The following CWC27 variants were observed in gnomAD, a reference collection of about 807,000 sequenced individuals.
The protein encoded by CWC27 is spliceosome-associated protein CWC27 homolog.
Under a neutral mutation model 63.6 loss-of-function variants are expected in CWC27, and 47 were observed. The ratio of observed to expected loss-of-function variants is 0.74; its 90% confidence interval spans 0.58 to 0.94. CWC27 has a LOEUF of 0.94. Among genes scored for constraint, CWC27 ranks in the 40% least tolerant of loss-of-function variants. The pLI, the probability that CWC27 is intolerant of heterozygous loss-of-function variation, is 0.00. For synonymous variants in CWC27, 175 were observed against 179.8 expected (o/e 0.97, Z 0.22); for missense variants, 495 against 554.3 (o/e 0.89, Z 1.07).
intron 13 of CWC27, among the ~76,000 whole-genome samples, chr5:64,999,819 G>A (rs954995485): frequency 2.0e-5 from 3 of 151,984 alleles, no homozygotes; most frequent in Non-Finnish European, 4.4e-5. Context: ...AAGTCCTTTC[G>A]ATATAATGAT....
chr5:64,872,938 A>G (rs1353629433), intron 10 of CWC27, among the ~76,000 whole-genome samples: 1 of 152,130 alleles, frequency 6.6e-6, no homozygotes, highest in Non-Finnish European at 1.5e-5. Context: ...GTATGCCTAT[A>G]TTTATTTAGC....
chr5:64,927,377 CCTTA>C (rs1459363781), intron 11 of CWC27, among the ~76,000 whole-genome samples: 1 of 151,886 alleles, frequency 6.6e-6, no homozygotes, highest in Non-Finnish European at 1.5e-5. Context: ...ATTTTCCATG[CCTTA>C]CTTCTCCAGT....
At chr5:64,819,245 G>A (rs1403083291) in intron 10 of CWC27, among the ~76,000 whole-genome samples, 4 of 152,142 alleles carry the variant, frequency 2.6e-5, no homozygotes, top group South Asian at 4.1e-4. Context: ...TTTTCAGTGG[G>A]ACAAAAGGGA....
At position 64,858,463 on chromosome 5, in the gene CWC27, A is replaced by AAATAAT. The variant is rs199882585; in HGVS notation, c.939-26951_939-26946dup. ...GGTGACAGAGTGAGACTCCATCTCA[A>AAATAAT]AATAATAATAATAATAATAATAATA... is the stretch of plus-strand genomic sequence containing the variant. On this transcript the variant is annotated intron_variant, in intron 10 of 13. Transcript: ENST00000381070. 4.8e-3 allele frequency among the ~76,000 whole-genome samples: 706 copies of AAATAAT among 146,604 alleles called. 5 individuals carry two copies. The highest frequency in any genetic ancestry group is 8.5e-3 in the African/African-American group (337 of 39,784).
At chr5:64,787,020 G>T (rs370758631) in intron 6 of CWC27, among the ~76,000 whole-genome samples, 1 of 152,162 alleles carries the variant, frequency 6.6e-6, no homozygotes, top group Non-Finnish European at 1.5e-5. Context: ...GGGAGAGAGC[G>T]AGTGGGAAGG....
chr5:64,864,526 A>C (rs7728512), intron 10 of CWC27, among the ~76,000 whole-genome samples: 2,540 of 152,212 alleles, frequency 0.017, 68 homozygotes, highest in African/African-American at 0.059. Flanking sequence ...AGAGCCTCTG[A>C]ATTTATATTT....
chr5:64,934,272 A>G lies in CWC27; in HGVS notation c.1043-37431A>G, dbSNP rs940052836. On this transcript the variant is annotated intron_variant, in intron 11 of 13. Coordinates refer to ENST00000381070, the MANE Select transcript of CWC27 (RefSeq NM_005869.4). ...CCCCTAGAACCCCACTTCCCAACAGACCCTGGTGTGTGATGTTCCCTTCCC... is the reference window on the plus strand; with the variant it reads ...CCCCTAGAACCCCACTTCCCAACAGGCCCTGGTGTGTGATGTTCCCTTCCC... 2.6e-5 allele frequency among the ~76,000 whole-genome samples: 4 copies of G among 151,994 alleles called. No homozygotes were observed. In the East Asian group the frequency reaches 7.7e-4, roughly 29 times the overall value.
At chr5:64,948,619 A>G (rs1748641504) in intron 11 of CWC27, among the ~76,000 whole-genome samples, 2 of 152,078 alleles carry the variant, frequency 1.3e-5, no homozygotes, top group African/African-American at 4.8e-5. Flanking sequence ...TTGGTAGAAC[A>G]GGACTCATTC....
chr5:64,977,689 C>T (rs546227732), intron 13 of CWC27, among the ~76,000 whole-genome samples: 2 of 152,140 alleles, frequency 1.3e-5, no homozygotes, highest in Non-Finnish European at 2.9e-5. Flanking sequence ...TCTACAGGAT[C>T]CTAGCAACTC....
Position 64,937,445 on chromosome 5 carries a change from C to T in CWC27, c.1043-34258C>T, listed in dbSNP as rs573123455. Among the ~76,000 whole-genome samples, 20 of 152,294 alleles carry T rather than the reference C, an allele frequency of 1.3e-4. No individual in the cohort carries two copies. The South Asian group carries it at 4.1e-3, about 32-fold the overall frequency. On this transcript the variant is annotated intron_variant, in intron 11 of 13. Transcript: ENST00000381070. Reference sequence around the variant, plus strand: ...TTAATCTGGAGTTCTAATTTGATTGCACTGTGCTCTGAGAGACTGTTATGA... The same window carrying T: ...TTAATCTGGAGTTCTAATTTGATTGTACTGTGCTCTGAGAGACTGTTATGA...
chr5:64,943,257 A>G (rs1676457354), intron 11 of CWC27, among the ~76,000 whole-genome samples: 1 of 152,248 alleles, frequency 6.6e-6, no homozygotes, highest in Non-Finnish European at 1.5e-5. Context: ...ATAAGGATTT[A>G]TAACATATAT....
At chr5:64,874,733 T>G (rs532871918) in intron 10 of CWC27, among the ~76,000 whole-genome samples, 1 of 152,142 alleles carries the variant, frequency 6.6e-6, no homozygotes, top group South Asian at 2.1e-4. Flanking sequence ...CCCTCCTCAT[T>G]TTCCAAACCC....
At chr5:64,907,091 A>C (rs6887888) in intron 11 of CWC27, among the ~76,000 whole-genome samples, 14,476 of 151,988 alleles carry the variant, frequency 0.095, 2,107 homozygotes, top group African/African-American at 0.31. Context: ...AGTTTGAAGT[A>C]AGGTAGCATG....
rs545751288 is a variant in CWC27, at chr5:64,982,367, G to A, written c.1256+5129G>A. ...GAGACAGAGTCTCACTCTGTTGCCC[G>A]GGCTGGAGTGCACTGGTGCAGTCAA... is the stretch of plus-strand genomic sequence containing the variant. On this transcript the variant is annotated intron_variant, in intron 13 of 13. Transcript: ENST00000381070. 2.0e-5 allele frequency among the ~76,000 whole-genome samples: 3 copies of A among 151,954 alleles called. No individual in the cohort carries two copies. In the East Asian group the frequency reaches 5.8e-4, roughly 29 times the overall value.
chr5:64,972,239 T>C (rs1749140146), intron 12 of CWC27, among the ~76,000 whole-genome samples: 1 of 152,172 alleles, frequency 6.6e-6, no homozygotes, highest in Admixed American at 6.5e-5. Context: ...AATAAGTCAT[T>C]TGGTCTGCTA....
chr5:64,840,223 A>G (rs1440665620), intron 10 of CWC27, among the ~76,000 whole-genome samples: 1 of 151,680 alleles, frequency 6.6e-6, no homozygotes, highest in African/African-American at 2.4e-5. Context: ...GGAGCCAGAC[A>G]GTAGAGGAAT....
intron 11 of CWC27, among the ~76,000 whole-genome samples, chr5:64,921,690 C>T (rs575500541): frequency 6.6e-6 from 1 of 152,240 alleles, no homozygotes; most frequent in East Asian, 1.9e-4. Context: ...AGGATTTGAT[C>T]CTCTCATCAT....
At chr5:64,817,380 C>G (rs1458282809) in intron 10 of CWC27, among the ~76,000 whole-genome samples, 1 of 152,074 alleles carries the variant, frequency 6.6e-6, no homozygotes, top group Non-Finnish European at 1.5e-5. Context: ...ATTTGCTTGA[C>G]TTTCATAAAA....
In CWC27 at chr5:65,018,517, T is replaced by C. The variant is rs546747319; in HGVS notation, c.*196T>C. 4.6e-6 allele frequency: 2 copies of C among 434,264 alleles called. No homozygotes were observed. Among genetic ancestry groups the C allele is most frequent in the South Asian group, 9.9e-5 (2 of 20,186 alleles). The allele number at this position is 434,264 out of a possible 1,614,324, so 26.9% of individuals were successfully genotyped here. A position where few individuals can be genotyped will look rare whatever the true frequency, so the allele number is the denominator to read the frequency against. On this transcript the variant is annotated 3_prime_UTR_variant, in exon 14 of 14. Coordinates refer to ENST00000381070, the MANE Select transcript of CWC27 (RefSeq NM_005869.4). ...AAATGCTTTTGGTTACTGGTACATG[T>C]GTTTTTTCCTAGCTGACCTTTTATA...
Sources: allele counts gnomAD v4.1 joint callset (sites outside exome capture counted in the v4.1 genomes callset), GRCh38; gene constraint gnomAD v4.1.1; transcripts MANE v1.5; gene names NCBI Gene and HGNC (gene_info 2026-07-23, HGNC 2026-07-21).